The following USP33 variants were observed in gnomAD, a reference collection of about 807,000 sequenced individuals.
USP33 encodes ubiquitin specific peptidase 33.
In USP33, 46 loss-of-function variants were observed where a neutral mutation model predicts 124.2. The ratio of observed to expected loss-of-function variants is 0.37; its 90% CI spans 0.29 to 0.47. The LOEUF (loss-of-function observed/expected upper bound fraction) is 0.47. Ranked by LOEUF, USP33 falls within the 20% of genes least tolerant of loss-of-function variation. The pLI is 0.99. For missense variants in USP33, 851 were observed against 1,070.6 expected, an observed-to-expected ratio of 0.79 and a Z score of 2.86; for synonymous variants, 350 against 352.3, an observed-to-expected ratio of 0.99 and a Z score of 0.07.
At chr1:77,719,833 G>A (rs976443305) in intron 15 of USP33, among the ~76,000 whole-genome samples, 1 of 139,804 alleles carries the variant, frequency 7.2e-6, no homozygotes, top group Non-Finnish European at 1.5e-5. Flanking sequence ...CAGCCTGGGC[G>A]ACAGAGCAAG....
At chr1:77,743,542 A>G (rs1679377412) in intron 1 of USP33, among the ~76,000 whole-genome samples, 1 of 151,976 alleles carries the variant, frequency 6.6e-6, no homozygotes, top group Non-Finnish European at 1.5e-5. Flanking sequence ...TGGGGCAAAC[A>G]CAACTCACTG....
At chr1:77,736,378 T>C (rs546238805) in intron 5 of USP33, among the ~76,000 whole-genome samples, 2 of 152,274 alleles carry the variant, frequency 1.3e-5, no homozygotes, top group East Asian at 3.9e-4. Context: ...TATTAACATA[T>C]ATATTTGAGT....
At chr1:77,723,870 T>G (rs937175532) in intron 11 of USP33, among the ~76,000 whole-genome samples, 1 of 152,054 alleles carries the variant, frequency 6.6e-6, no homozygotes, top group Non-Finnish European at 1.5e-5. Context: ...TTCACCATGT[T>G]AGCCAGGATA....
chr1:77,739,894 A>T (rs1027334460), intron 4 of USP33, among the ~76,000 whole-genome samples: 6 of 152,224 alleles, frequency 3.9e-5, no homozygotes, highest in Non-Finnish European at 5.9e-5. Flanking sequence ...CCTACAAAAA[A>T]TGATCTGAGT....
At chr1:77,736,612 C>T (rs1570823188) in intron 5 of USP33, among the ~76,000 whole-genome samples, 1 of 151,906 alleles carries the variant, frequency 6.6e-6, no homozygotes, top group Non-Finnish European at 1.5e-5. Flanking sequence ...ATTTACTTTG[C>T]ACACTTTTTT....
chr1:77,734,055 C>A (rs1158875593), intron 7 of USP33, among the ~76,000 whole-genome samples: 1 of 152,078 alleles, frequency 6.6e-6, no homozygotes, highest in African/African-American at 2.4e-5. Context: ...TTCATAAGAT[C>A]TCTGAATTAA....
In USP33 at chr1:77,713,564, T is replaced by C. The variant is rs1034125954; in HGVS notation, c.2216-283A>G. 5 of 247,336 alleles carry C rather than the reference T, an allele frequency of 2.0e-5. No individual in the cohort carries two copies. In the East Asian group the frequency reaches 4.9e-4, roughly 24 times the overall value. 15.3% of individuals were successfully genotyped at this position (247,336 alleles called of 1,614,324 possible). On this transcript the variant is annotated intron_variant, in intron 19 of 23. Transcript: ENST00000370794. ...CACACCCAGCTAACTTTTCTTTTTT[T>C]TTTTTTTTTTTTTGTAGAAACAGGC...
intron 7 of USP33, among the ~76,000 whole-genome samples, chr1:77,733,072 C>A (rs928754535): frequency 3.6e-4 from 54 of 151,984 alleles, no homozygotes; most frequent in African/African-American, 1.3e-3. Context: ...GGATTACAGG[C>A]ATGAACCACC....
Position 77,711,256 on chromosome 1 carries a change from A to T in USP33, c.2406+491T>A, listed in dbSNP as rs1015826772. 3.3e-5 allele frequency among the ~76,000 whole-genome samples: 5 copies of T among 152,256 alleles called. No homozygotes were observed. In the East Asian group the frequency reaches 9.6e-4, roughly 29 times the overall value. ...AAAAACCCACAAAGGGGCCAGGAGCAGTGGCTCATGCCTATAATCCCAGTA... is the reference window on the plus strand; with the variant it reads ...AAAAACCCACAAAGGGGCCAGGAGCTGTGGCTCATGCCTATAATCCCAGTA... On this transcript the variant is annotated intron_variant, in intron 21 of 23. Transcript: ENST00000370794.
intron 1 of USP33, among the ~76,000 whole-genome samples, chr1:77,742,576 G>A (rs1679247115): frequency 8.4e-6 from 1 of 118,716 alleles, no homozygotes; most frequent in African/African-American, 4.7e-5. Flanking sequence ...AAACTTTACT[G>A]ATCCACAGTG....
chr1:77,741,418 C>T lies in USP33; in HGVS notation c.93G>A (p.Gln31=), dbSNP rs753212523. Residue 31 remains glutamine, a synonymous_variant, in exon 3 of 24, where the codon CAG becomes CAA. Coordinates refer to ENST00000370794, the MANE Select transcript of USP33 (RefSeq NM_201624.3). Reference sequence around the variant, plus strand: ...GATTTGGTCCTTGGACTTTACAATCCTGACAAGTACCCTATAAAAAGAAAT... The same window carrying T: ...GATTTGGTCCTTGGACTTTACAATCTTGACAAGTACCCTATAAAAAGAAAT... ...DLIQKSLGTC[Q]DCKVQGPNLW... The T allele has an allele frequency of 1.2e-6, 2 of 1,608,778 alleles. No homozygotes were observed. Among genetic ancestry groups the T allele is most frequent in the South Asian group, 2.2e-5 (2 of 89,620 alleles).
intron 14 of USP33, chr1:77,721,538 C>A: frequency 2.0e-6 from 1 of 490,908 alleles, no homozygotes; most frequent in Non-Finnish European, 3.6e-6. Context: ...TACAGACACA[C>A]AAATAAGTCC....
chr1:77,712,594 T>C (rs928626684), intron 20 of USP33, among the ~76,000 whole-genome samples: 2 of 152,278 alleles, frequency 1.3e-5, no homozygotes, highest in East Asian at 1.9e-4. Flanking sequence ...CTTTGGACTT[T>C]GGGAGGCCAA....
intron 21 of USP33, among the ~76,000 whole-genome samples, chr1:77,711,017 C>G (rs920999730): frequency 6.6e-6 from 1 of 152,046 alleles, no homozygotes; most frequent in Non-Finnish European, 1.5e-5. Context: ...ATAATATGCT[C>G]AGTTTGTGAA....
At chr1:77,732,122 A>C (rs985751051) in intron 7 of USP33, among the ~76,000 whole-genome samples, 1 of 151,978 alleles carries the variant, frequency 6.6e-6, no homozygotes, top group African/African-American at 2.4e-5. Context: ...AAAAAAAAAA[A>C]AAAACCAGAA....
rs766838084 is a variant in USP33, at chr1:77,723,296, G to A, written c.1389+35C>T. The stretch of plus-strand genomic sequence containing the variant: ...CACATTTTTAAAAATCATTTGACAC[G>A]AATTTTCTGTGTATTCTAATACCCT... On this transcript the variant is annotated intron_variant, in intron 12 of 23. Coordinates refer to ENST00000370794, the MANE Select transcript of USP33 (RefSeq NM_201624.3). 1.6e-5 allele frequency: 23 copies of A among 1,450,182 alleles called. No individual in the cohort carries two copies. In the African/African-American group the frequency reaches 1.7e-4, roughly 11 times the overall value. The allele number at this position is 1,450,182 out of a possible 1,614,324, so 89.8% of individuals were successfully genotyped here. A position where few individuals can be genotyped will look rare whatever the true frequency, so the allele number is the denominator to read the frequency against.
Position 77,749,042 on chromosome 1 carries a change from C to A in USP33, c.-51-7294G>T, listed in dbSNP as rs552566737. On this transcript the variant is annotated intron_variant, in intron 1 of 23. Transcript: ENST00000370794. ...CAATTAACATTTTTACTTCTTGGGT[C>A]AATTTTACTCATTGACATTTTGCTA... 5.4e-4 allele frequency among the ~76,000 whole-genome samples: 82 copies of A among 152,252 alleles called. 1 individual carries two copies. In the South Asian group the frequency reaches 0.016, roughly 30 times the overall value.
chr1:77,739,304 A>G lies in USP33; in HGVS notation c.312T>C (p.His104=), dbSNP rs756889328. ...RKLGTQPSLP[H]VRQPHQIQEN... ...CTTGTATTTGGTGAGGTTGTCTTACATGAGGCAATGAAGGCTGAGTTCCTA... is the reference window on the plus strand; with the variant it reads ...CTTGTATTTGGTGAGGTTGTCTTACGTGAGGCAATGAAGGCTGAGTTCCTA... Residue 104 remains histidine (H), a synonymous_variant, in exon 5 of 24, where the codon CAT becomes CAC. Coordinates refer to ENST00000370794, the MANE Select transcript of USP33 (RefSeq NM_201624.3). 69 of 1,613,810 alleles carry G rather than the reference A, an allele frequency of 4.3e-5. No individual in the cohort carries two copies. The South Asian group carries it at 6.8e-4, about 16-fold the overall frequency.
At chr1:77,735,306 T>C (rs1678309574) in intron 6 of USP33, among the ~76,000 whole-genome samples, 1 of 152,096 alleles carries the variant, frequency 6.6e-6, no homozygotes, top group South Asian at 2.1e-4. Flanking sequence ...TATTAAAAGA[T>C]GAAATAAATA....
Sources: gnomAD v4.1 joint callset for allele counts (sites outside exome capture counted in the v4.1 genomes callset) on GRCh38, gnomAD v4.1.1 for gene constraint, MANE v1.5 for transcripts, NCBI Gene and HGNC (gene_info 2026-07-23, HGNC 2026-07-21) for gene names.